The following TPD52L1 variants were observed in gnomAD, a reference collection of about 807,000 sequenced individuals.
TPD52L1 encodes the protein TPD52 like 1, also known as tumor protein D53.
In TPD52L1, 18 loss-of-function variants were observed where a neutral mutation model predicts 28.7. That is an observed-to-expected ratio of 0.63 (90% CI 0.43 to 0.93). The LOEUF (loss-of-function observed/expected upper bound fraction) is 0.93, where lower values mean the gene tolerates loss of function less well. Among genes scored for constraint, TPD52L1 ranks in the 40% least tolerant of loss-of-function variants. TPD52L1 has a pLI of 0.00. For synonymous variants in TPD52L1, 75 were observed against 88.8 expected, an observed-to-expected ratio of 0.84 and a Z score of 0.88; for missense variants, 203 against 254.8, an observed-to-expected ratio of 0.80 and a Z score of 1.39.
At chr6:125,240,393 T>C (rs530660218) in intron 3 of TPD52L1, among the ~76,000 whole-genome samples, 6 of 152,302 alleles carry the variant, frequency 3.9e-5, no homozygotes, top group South Asian at 4.1e-4. Flanking sequence ...GGAATTGCAT[T>C]GAATCTGTAG....
chr6:125,194,106 G>A (rs184332153), intron 1 of TPD52L1, among the ~76,000 whole-genome samples: 5 of 149,246 alleles, frequency 3.4e-5, no homozygotes, highest in Non-Finnish European at 5.9e-5. Flanking sequence ...TAATAGTAGT[G>A]GACTGGAACT....
At chr6:125,253,189 G>T (rs1797382276) in intron 4 of TPD52L1, 1 of 155,854 alleles carries the variant, frequency 6.4e-6, no homozygotes, top group Admixed American at 6.3e-5. Flanking sequence ...AATCAAACCA[G>T]AATGGATGCA....
chr6:125,217,728 G>T (rs992164325), intron 1 of TPD52L1, among the ~76,000 whole-genome samples: 3 of 152,028 alleles, frequency 2.0e-5, no homozygotes, highest in Non-Finnish European at 4.4e-5. Flanking sequence ...TTCCTCTCTG[G>T]CTTGAGAAAA....
Position 125,230,306 on chromosome 6 carries a change from A to T in TPD52L1, c.284+1040A>T, listed in dbSNP as rs183789999. 3.7e-3 allele frequency among the ~76,000 whole-genome samples: 567 copies of T among 152,090 alleles called. 5 individuals carry two copies. Among genetic ancestry groups the T allele is most frequent in the African/African-American group, 0.013 (543 of 41,466 alleles). On this transcript the variant is annotated intron_variant, in intron 3 of 6. Coordinates refer to ENST00000534000, the MANE Select transcript of TPD52L1 (RefSeq NM_003287.4). ...CAAAGGGGAGTACTCCACATATGTG[A>T]TGTGATTTTTCTTCTTTTTGTGTAT...
At chr6:125,158,781 G>A (rs1790314150) in intron 1 of TPD52L1, among the ~76,000 whole-genome samples, 1 of 152,146 alleles carries the variant, frequency 6.6e-6, no homozygotes, top group Non-Finnish European at 1.5e-5. Context: ...GAGATAGTGT[G>A]GGTTCAGTTC....
intron 1 of TPD52L1, among the ~76,000 whole-genome samples, chr6:125,186,329 C>T (rs1473294924): frequency 6.6e-6 from 1 of 152,132 alleles, no homozygotes; most frequent in Non-Finnish European, 1.5e-5. Flanking sequence ...GAGACTTAGA[C>T]ATTGTAATAT....
At chr6:125,238,104 G>T (rs1003082741) in intron 3 of TPD52L1, among the ~76,000 whole-genome samples, 42 of 152,082 alleles carry the variant, frequency 2.8e-4, no homozygotes, top group African/African-American at 9.7e-4. Flanking sequence ...AAGTCATTTT[G>T]TTCTTAAGGC....
chr6:125,226,587 C>G (rs946058872), intron 2 of TPD52L1, among the ~76,000 whole-genome samples: 2 of 151,948 alleles, frequency 1.3e-5, no homozygotes, highest in African/African-American at 4.8e-5. Flanking sequence ...TTGTGTACAT[C>G]TGTAATTTAT....
intron 1 of TPD52L1, among the ~76,000 whole-genome samples, chr6:125,184,581 A>G (rs1225836919): frequency 6.6e-6 from 1 of 152,248 alleles, no homozygotes; most frequent in Non-Finnish European, 1.5e-5. Flanking sequence ...TCTGGAAGGA[A>G]GAAATAGTTG....
intron 1 of TPD52L1, among the ~76,000 whole-genome samples, chr6:125,204,482 T>C (rs1793983109): frequency 6.6e-6 from 1 of 152,134 alleles, no homozygotes; most frequent in Non-Finnish European, 1.5e-5. Context: ...TCAGATTTTT[T>C]ATTTTTATTT....
At chr6:125,260,985 A>G (rs1453327499) in intron 6 of TPD52L1, 6 of 39,236 alleles carry the variant, frequency 1.5e-4, no homozygotes, top group Middle Eastern at 0.012. Flanking sequence ...AGAAAAGAAA[A>G]GAAAGAAAGA....
intron 1 of TPD52L1, among the ~76,000 whole-genome samples, chr6:125,166,810 A>G (rs730972): frequency 0.21 from 32,150 of 151,414 alleles, 4,232 homozygotes; most frequent in Admixed American, 0.36. Context: ...TCCTTAGGAG[A>G]ATAGATGGGA....
intron 2 of TPD52L1, among the ~76,000 whole-genome samples, chr6:125,221,378 C>T (rs947556762): frequency 1.3e-5 from 2 of 152,158 alleles, no homozygotes; most frequent in African/African-American, 4.8e-5. Context: ...GAAATTCTGG[C>T]TCATGACTAG....
chr6:125,202,215 C>T (rs1486078363), intron 1 of TPD52L1, among the ~76,000 whole-genome samples: 1 of 152,118 alleles, frequency 6.6e-6, no homozygotes, highest in African/African-American at 2.4e-5. Flanking sequence ...CTATCTATCC[C>T]TTTCTTTAAA....
In TPD52L1 at chr6:125,220,141, C is replaced by T; in HGVS notation, c.83C>T (p.Ser28Phe). The change falls in exon 2 of 7, where the codon TCT (serine) becomes TTT (phenylalanine). Residue 28 changes from serine (S) to phenylalanine (F), a missense_variant. By Grantham distance (155) the Ser-to-Phe change is radical (BLOSUM62 -2). Transcript: ENST00000534000. ...GATGCAGTAGCCAGTGCTGACTTCTCTAGCATGCTCTCTGAGGAGGAAAAG... is the reference window on the plus strand; with the variant it reads ...GATGCAGTAGCCAGTGCTGACTTCTTTAGCATGCTCTCTGAGGAGGAAAAG... ...DEDAVASADF[S>F]SMLSEEEKEE... The T allele has an allele frequency of 6.2e-7, 1 of 1,613,824 alleles. No homozygotes were observed. The highest frequency in any genetic ancestry group is 1.7e-4 in the Middle Eastern group (1 of 6,058).
chr6:125,179,046 C>G (rs746225794), intron 1 of TPD52L1, among the ~76,000 whole-genome samples: 6 of 152,204 alleles, frequency 3.9e-5, no homozygotes, highest in Non-Finnish European at 7.3e-5. Context: ...ACTTCCCACC[C>G]AAGTGGAACT....
At chr6:125,195,017 T>A (rs1793323624) in intron 1 of TPD52L1, among the ~76,000 whole-genome samples, 1 of 152,074 alleles carries the variant, frequency 6.6e-6, no homozygotes, top group South Asian at 2.1e-4. Flanking sequence ...ACCAGGGAGT[T>A]TTTAGCAGGA....
intron 2 of TPD52L1, among the ~76,000 whole-genome samples, chr6:125,227,523 C>T (rs1332134059): frequency 6.6e-6 from 1 of 152,116 alleles, no homozygotes; most frequent in Non-Finnish European, 1.5e-5. Context: ...GCCACAGTTG[C>T]TCCTTTTTAA....
At chr6:125,176,029 A>G (rs1337152356) in intron 1 of TPD52L1, among the ~76,000 whole-genome samples, 1 of 152,226 alleles carries the variant, frequency 6.6e-6, no homozygotes, top group Non-Finnish European at 1.5e-5. Flanking sequence ...GCCGAATCCC[A>G]TGGGGATGAT....
Sources: gnomAD v4.1 joint callset for allele counts (sites outside exome capture counted in the v4.1 genomes callset) on GRCh38, gnomAD v4.1.1 for gene constraint, MANE v1.5 for transcripts, NCBI Gene and HGNC (gene_info 2026-07-23, HGNC 2026-07-21) for gene names.